Variants in GANC observed in about 807,000 individuals in gnomAD.
GANC encodes glucosidase alpha, neutral C.
GANC carries 117 observed loss-of-function variants against 124.2 expected under a neutral mutation model. The ratio of observed to expected loss-of-function variants is 0.94; its 90% CI spans 0.81 to 1.10. The LOEUF is 1.10. Ranked by LOEUF, GANC falls within the 50% of genes least tolerant of loss-of-function variation. GANC has a pLI of 0.00. For missense variants in GANC, 1,140 were observed against 1,095.0 expected (o/e 1.04, Z -0.58); for synonymous variants, 377 against 376.8 (o/e 1.00, Z -0.01).
At chr15:42,334,407 C>T (rs2052268659) in intron 15 of GANC, among the ~76,000 whole-genome samples, 1 of 152,134 alleles carries the variant, frequency 6.6e-6, no homozygotes, top group South Asian at 2.1e-4. Flanking sequence ...AGTGATCTGC[C>T]CTCCTCGGCT....
intron 10 of GANC, among the ~76,000 whole-genome samples, chr15:42,317,288 T>A (rs577013454): frequency 1.3e-5 from 1 of 76,594 alleles, no homozygotes; most frequent in South Asian, 6.3e-4. Flanking sequence ...ACCTTGAAAA[T>A]ATGGAAAATG....
intron 22 of GANC, 118 bp downstream of exon 22, chr15:42,349,613 A>G (rs1595787532): frequency 1.5e-6 from 1 of 676,810 alleles, no homozygotes; most frequent in East Asian, 2.6e-5. Flanking sequence ...TGAATGGTGA[A>G]GGCCGTTTCC....
At chr15:42,277,542 A>AG (rs2051683979) in intron 2 of GANC, among the ~76,000 whole-genome samples, 1 of 152,012 alleles carries the variant, frequency 6.6e-6, no homozygotes, top group African/African-American at 2.4e-5. Context: ...AAAAAAAAAA[A>AG]GATTGCCTGT....
rs144627967 is a variant in GANC, at chr15:42,296,567, A to G, written c.513-1044A>G. Among the ~76,000 whole-genome samples, 7 of 152,062 alleles carry G rather than the reference A, an allele frequency of 4.6e-5. No individual in the cohort carries two copies. In the East Asian group the frequency reaches 1.2e-3, roughly 25 times the overall value. ...ACCACCACGTCCAGCTAATTTTTGT[A>G]TTTTTAGTAGAGACAGGGTTTCACC... On this transcript the variant is annotated intron_variant, in intron 5 of 23. Transcript: ENST00000318010.
At chr15:42,329,192 C>T in intron 13 of GANC, 114 bp from the exon 14 acceptor site, 1 of 1,031,530 alleles carries the variant, frequency 9.7e-7, no homozygotes, top group Non-Finnish European at 1.4e-6. Flanking sequence ...AGCAGTGGAG[C>T]AGAGGACAGA....
In GANC at chr15:42,353,308, C is replaced by G; in HGVS notation, c.*1169C>G. 1 of 986,286 alleles carries G rather than the reference C, an allele frequency of 1.0e-6. No homozygotes were observed. Among genetic ancestry groups the G allele is most frequent in the Non-Finnish European group, 1.2e-6 (1 of 830,220 alleles). 61.1% of individuals were successfully genotyped at this position (986,286 alleles called of 1,614,324 possible). On this transcript the variant is annotated 3_prime_UTR_variant, in exon 24 of 24. Coordinates refer to ENST00000318010, the MANE Select transcript of GANC (RefSeq NM_198141.3). ...TTGCTAACGGCCACCTCTGTGCCTT[C>G]TGATCCCTGGGCGCCAATATCCTCC... is the stretch of plus-strand genomic sequence containing the variant.
intron 5 of GANC, 33 bp downstream of exon 5, chr15:42,292,950 C>A: frequency 6.3e-7 from 1 of 1,583,618 alleles, no homozygotes; most frequent in Non-Finnish European, 8.7e-7. Flanking sequence ...ACATAAAGAC[C>A]TTAACATAAC....
chr15:42,308,189 C>A, intron 7 of GANC, 33 bp from the exon 8 acceptor site: 1 of 1,400,244 alleles, frequency 7.1e-7, no homozygotes, highest in South Asian at 1.2e-5. Context: ...GTGTTCTTTT[C>A]AGAAACAAAA....
intron 6 of GANC, among the ~76,000 whole-genome samples, chr15:42,301,094 G>A (rs1378538530): frequency 2.6e-5 from 4 of 151,672 alleles, no homozygotes; most frequent in African/African-American, 7.3e-5. Context: ...GAACAGCTCC[G>A]GCCTGCAGCT....
At chr15:42,335,637 A>G (rs748986315) in intron 15 of GANC, among the ~76,000 whole-genome samples, 2 of 152,236 alleles carry the variant, frequency 1.3e-5, no homozygotes, top group Admixed American at 6.5e-5. Context: ...GGCAAGAGGA[A>G]GAAATAAAGT....
intron 3 of GANC, among the ~76,000 whole-genome samples, chr15:42,282,272 G>A (rs545251404): frequency 6.6e-6 from 1 of 152,150 alleles, no homozygotes; most frequent in Non-Finnish European, 1.5e-5. Flanking sequence ...AGTGAGCCAA[G>A]ATTGTGCCGC....
At chr15:42,348,013 G>C (rs1436891432) in intron 20 of GANC, 90 bp from the exon 21 acceptor site, 1 of 770,404 alleles carries the variant, frequency 1.3e-6, no homozygotes, top group African/African-American at 1.8e-5. Context: ...CTTGTAGACT[G>C]TGAATTTTAT....
At chr15:42,276,999 T>G (rs1424879447) in intron 2 of GANC, among the ~76,000 whole-genome samples, 4 of 152,176 alleles carry the variant, frequency 2.6e-5, no homozygotes, top group African/African-American at 9.7e-5. Context: ...TTAATATAAT[T>G]TATTCAGTCT....
intron 13 of GANC, among the ~76,000 whole-genome samples, chr15:42,329,003 G>A (rs2052219355): frequency 6.6e-6 from 1 of 152,164 alleles, no homozygotes; most frequent in Non-Finnish European, 1.5e-5. Context: ...CCTGCAGGGA[G>A]GTCTTGGAAT....
chr15:42,312,521 T>C (rs1191035404), intron 10 of GANC, among the ~76,000 whole-genome samples: 1 of 152,246 alleles, frequency 6.6e-6, no homozygotes, highest in Non-Finnish European at 1.5e-5. Context: ...CATGTAGAAC[T>C]GTAAGTTCTA....
intron 6 of GANC, among the ~76,000 whole-genome samples, chr15:42,303,769 T>G (rs2141038181): frequency 6.6e-6 from 1 of 151,220 alleles, no homozygotes; most frequent in African/African-American, 2.4e-5. Flanking sequence ...GGGCATTACA[T>G]AATAGTAAAG....
intron 14 of GANC, among the ~76,000 whole-genome samples, chr15:42,329,687 A>G (rs1018596093): frequency 5.9e-5 from 9 of 152,218 alleles, no homozygotes; most frequent in African/African-American, 2.2e-4. Flanking sequence ...AATTAATTAT[A>G]ACATAAAGCT....
intron 10 of GANC, 80 bp from the exon 11 acceptor site, chr15:42,321,705 T>TA: frequency 8.4e-7 from 1 of 1,191,528 alleles, no homozygotes; most frequent in Non-Finnish European, 1.2e-6. Flanking sequence ...GAATACTCTG[T>TA]AGACATTCAG....
chr15:42,292,792 C>A lies in GANC; in HGVS notation c.387C>A (p.Asp129Glu). The change falls in exon 5 of 24, where the codon GAC becomes GAA. Residue 129 changes from aspartate to glutamate, a missense_variant. Coordinates refer to ENST00000318010, the MANE Select transcript of GANC (RefSeq NM_198141.3). ...TGATATTGGCAGATGGAAAAGGAGACCTGAAGTGCCATATCACAGCAAACC... is the reference window on the plus strand; with the variant it reads ...TGATATTGGCAGATGGAAAAGGAGAACTGAAGTGCCATATCACAGCAAACC... ...GSLILADGKG[D>E]LKCHITANPF... The A allele has an allele frequency of 1.9e-6, 3 of 1,614,046 alleles. No individual in the cohort carries two copies. The highest frequency in any genetic ancestry group is 2.5e-6 in the Non-Finnish European group (3 of 1,179,972).
Sources: allele counts gnomAD v4.1 joint callset (sites outside exome capture counted in the v4.1 genomes callset), GRCh38; gene constraint gnomAD v4.1.1; transcripts MANE v1.5; gene names NCBI Gene and HGNC (gene_info 2026-07-23, HGNC 2026-07-21).